GALNT17: variants seen among roughly 807,000 people sequenced by gnomAD.
GALNT17 encodes polypeptide N-acetylgalactosaminyltransferase 17, also known as UDP-GalNAc:polypeptide N-acetylgalactosaminyltransferase-like 3.
GALNT17 carries 29 observed loss-of-function variants against 63.7 expected under a neutral mutation model. The observed-to-expected ratio is 0.46, with a 90% CI of 0.34 to 0.62. The LOEUF is 0.62. Ranked by LOEUF, GALNT17 falls within the 20% of genes least tolerant of loss-of-function variation. The probability of loss-of-function intolerance (pLI) is 0.01; values close to 1 mark genes in which losing one functional copy is unlikely to be tolerated. For missense variants in GALNT17, 603 were observed against 799.6 expected (o/e 0.75, Z 2.97); for synonymous variants, 305 against 318.3 (o/e 0.96, Z 0.45).
intron 6 of GALNT17, among the ~76,000 whole-genome samples, chr7:71,599,713 G>A (rs1789937958): frequency 6.6e-6 from 1 of 151,472 alleles, no homozygotes; most frequent in Admixed American, 6.6e-5. Context: ...ACAACACACA[G>A]GATACCCCCC....
At chr7:71,346,067 C>T (rs185137861) in intron 2 of GALNT17, among the ~76,000 whole-genome samples, 25 of 149,444 alleles carry the variant, frequency 1.7e-4, no homozygotes, top group African/African-American at 6.2e-4. Flanking sequence ...GTGGCTTGTG[C>T]CTGTTGTCCC....
intron 5 of GALNT17, among the ~76,000 whole-genome samples, chr7:71,560,650 C>G (rs1454529869): frequency 1.3e-5 from 2 of 152,204 alleles, no homozygotes; most frequent in African/African-American, 4.8e-5. Flanking sequence ...GGAGCTGTAG[C>G]TCTCTTTAGC....
intron 6 of GALNT17, among the ~76,000 whole-genome samples, chr7:71,616,700 TTG>T (rs555133486): frequency 0.019 from 342 of 18,334 alleles, 1 homozygote; most frequent in African/African-American, 0.022. Flanking sequence ...ATATAATATA[TTG>T]TGATTGATGT....
rs142043206 is a variant in GALNT17, at chr7:71,670,880, CTG to C, written c.1404+792_1404+793del. ...ACACTTTGATGTGTGGGCCTCCGGA[CTG>C]TGTGTGTGTGTGTGTGTGTGCGTGT... is the stretch of plus-strand genomic sequence containing the variant. On this transcript the variant is annotated intron_variant, in intron 8 of 10. Coordinates refer to ENST00000333538, the MANE Select transcript of GALNT17 (RefSeq NM_022479.3). Among the ~76,000 whole-genome samples the C allele has an allele frequency of 5.3e-3, 449 of 84,590 alleles. 3 individuals are homozygous for C. Among genetic ancestry groups the C allele is most frequent in the African/African-American group, 9.8e-3 (379 of 38,568 alleles). 55.5% of individuals were successfully genotyped at this position (84,590 alleles called of 152,430 possible). A position where few individuals can be genotyped will look rare whatever the true frequency, so the allele number is the denominator to read the frequency against.
chr7:71,478,275 G>A (rs1787757045), intron 5 of GALNT17, among the ~76,000 whole-genome samples: 1 of 151,986 alleles, frequency 6.6e-6, no homozygotes, highest in Non-Finnish European at 1.5e-5. Flanking sequence ...CCTTATGTTT[G>A]GAGGAGTTTC....
At chr7:71,674,770 G>C (rs1483975141) in intron 8 of GALNT17, among the ~76,000 whole-genome samples, 2 of 152,156 alleles carry the variant, frequency 1.3e-5, no homozygotes, top group Non-Finnish European at 2.9e-5. Flanking sequence ...TCCAGCCTCA[G>C]CCTCCCAAAG....
At chr7:71,335,772 C>G (rs780058593) in intron 2 of GALNT17, 39 bp downstream of exon 2, 2 of 1,542,382 alleles carry the variant, frequency 1.3e-6, no homozygotes, top group Non-Finnish European at 1.8e-6. Context: ...CTTGATGGGT[C>G]GTCAGAGTGG....
intron 5 of GALNT17, among the ~76,000 whole-genome samples, chr7:71,449,464 A>T (rs1474216589): frequency 6.6e-6 from 1 of 151,984 alleles, no homozygotes; most frequent in African/African-American, 2.4e-5. Context: ...TCCTATCATT[A>T]TATGTATATT....
At chr7:71,629,377 T>C (rs1790423700) in intron 6 of GALNT17, among the ~76,000 whole-genome samples, 1 of 152,198 alleles carries the variant, frequency 6.6e-6, no homozygotes. Context: ...CATCTACCTA[T>C]GCACCCTGTC....
chr7:71,625,535 T>A (rs1790359703), intron 6 of GALNT17, among the ~76,000 whole-genome samples: 1 of 152,172 alleles, frequency 6.6e-6, no homozygotes, highest in African/African-American at 2.4e-5. Context: ...AAATTGCTTA[T>A]AATTTTTTGG....
intron 2 of GALNT17, 29 bp downstream of exon 2, chr7:71,335,762 C>T: frequency 6.4e-7 from 1 of 1,559,610 alleles, no homozygotes; most frequent in Non-Finnish European, 8.7e-7. Context: ...ATTTGCGGAG[C>T]TTGATGGGTC....
chr7:71,377,106 ATAAAAAAAATATATAT>A (rs1338622620), intron 2 of GALNT17, among the ~76,000 whole-genome samples: 946 of 50,424 alleles, frequency 0.019, 69 homozygotes, highest in African/African-American at 0.071. Context: ...AAAAATAAAA[ATAAAAAAAATATATAT>A]ATATATATAT....
chr7:71,184,962 TC>T (rs1466237723), intron 1 of GALNT17, among the ~76,000 whole-genome samples: 1 of 103,730 alleles, frequency 9.6e-6, no homozygotes, highest in Non-Finnish European at 1.7e-5. Flanking sequence ...CTTCCTTCCT[TC>T]CTTCCTTCCT....
At position 71,552,737 on chromosome 7, in the gene GALNT17, C is replaced by T. The variant is rs1292299727; in HGVS notation, c.963-18548C>T. Among the ~76,000 whole-genome samples, 8 of 152,172 alleles carry T rather than the reference C, an allele frequency of 5.3e-5. No homozygotes were observed. The East Asian group carries it at 7.8e-4, about 15-fold the overall frequency. The stretch of plus-strand genomic sequence containing the variant: ...GATTACAGGAGTGAGCCACTGTGCC[C>T]GGCCCACCAGGTTACTCTTAAGGGC... On this transcript the variant is annotated intron_variant, in intron 5 of 10. Coordinates refer to ENST00000333538, the MANE Select transcript of GALNT17 (RefSeq NM_022479.3).
intron 1 of GALNT17, among the ~76,000 whole-genome samples, chr7:71,198,261 A>G (rs928386054): frequency 6.6e-6 from 1 of 151,734 alleles, no homozygotes; most frequent in East Asian, 1.9e-4. Flanking sequence ...GGGTTAAATT[A>G]GAAATATGCA....
At chr7:71,373,094 T>G (rs1792655962) in intron 2 of GALNT17, among the ~76,000 whole-genome samples, 2 of 152,216 alleles carry the variant, frequency 1.3e-5, no homozygotes, top group South Asian at 4.1e-4. Flanking sequence ...GAGATTATAT[T>G]GAGGAAAAAC....
intron 1 of GALNT17, among the ~76,000 whole-genome samples, chr7:71,254,491 C>T (rs987426455): frequency 6.6e-6 from 1 of 152,114 alleles, no homozygotes; most frequent in African/African-American, 2.4e-5. Context: ...TCAGGGCCTC[C>T]CATCTATCAT....
At chr7:71,274,918 C>T (rs2115718196) in intron 1 of GALNT17, among the ~76,000 whole-genome samples, 1 of 152,332 alleles carries the variant, frequency 6.6e-6, no homozygotes, top group South Asian at 2.1e-4. Context: ...TGTTATACTA[C>T]TGATGGGCTG....
intron 9 of GALNT17, among the ~76,000 whole-genome samples, chr7:71,677,964 T>C (rs1434070439): frequency 6.6e-6 from 1 of 152,094 alleles, no homozygotes; most frequent in African/African-American, 2.4e-5. Context: ...CCAGACAGGT[T>C]ACTGTTCAAA....
Sources: allele counts gnomAD v4.1 joint callset (sites outside exome capture counted in the v4.1 genomes callset), GRCh38; gene constraint gnomAD v4.1.1; transcripts MANE v1.5; gene names NCBI Gene and HGNC (gene_info 2026-07-23, HGNC 2026-07-21).